The following NMBR variants were observed in gnomAD, a reference collection of about 807,000 sequenced individuals.
NMBR encodes the protein neuromedin-B receptor.
A neutral mutation model predicts 20.5 loss-of-function variants in NMBR; 16 were observed. The observed-to-expected ratio is 0.78, with a 90% CI of 0.53 to 1.19. The LOEUF is 1.19. Ranked by LOEUF, NMBR falls within the 50% of genes most tolerant of loss-of-function variation. The pLI, the probability that NMBR is intolerant of heterozygous loss-of-function variation, is 0.00. For synonymous variants in NMBR, 212 were observed against 196.6 expected (o/e 1.08, Z -0.65); for missense variants, 582 against 499.1 (o/e 1.17, Z -1.58).
At chr6:142,134,410 A>AT in intron 1 of NMBR, 1 of 450,180 alleles carries the variant, frequency 2.2e-6, no homozygotes, top group Non-Finnish European at 3.9e-6. Flanking sequence ...CACATATAAG[A>AT]TTTTTATGAA....
intron 1 of NMBR, among the ~76,000 whole-genome samples, chr6:142,140,933 T>C (rs1313866771): frequency 6.6e-6 from 1 of 152,106 alleles, no homozygotes. Flanking sequence ...TCAGAATGCA[T>C]GAAGCAAAAC....
chr6:142,122,395 A>G (rs376197626), intron 1 of NMBR, among the ~76,000 whole-genome samples: 10 of 152,092 alleles, frequency 6.6e-5, no homozygotes, highest in African/African-American at 2.4e-4. Flanking sequence ...GTATATCACC[A>G]TACCATATCA....
At chr6:142,087,580 T>C (rs1777223005) in intron 2 of NMBR, among the ~76,000 whole-genome samples, 1 of 152,136 alleles carries the variant, frequency 6.6e-6, no homozygotes, top group Non-Finnish European at 1.5e-5. Flanking sequence ...CCTTAACATA[T>C]GTCAAAAGCA....
chr6:142,101,510 C>T (rs1455121214), intron 1 of NMBR, among the ~76,000 whole-genome samples: 2 of 152,060 alleles, frequency 1.3e-5, no homozygotes, highest in East Asian at 3.9e-4. Context: ...AGATTATTTT[C>T]TTTGTAGGGG....
chr6:142,130,973 A>T (rs1778130921), intron 1 of NMBR, among the ~76,000 whole-genome samples: 1 of 152,088 alleles, frequency 6.6e-6, no homozygotes, highest in Non-Finnish European at 1.5e-5. Context: ...TCCTAGCAAG[A>T]TTTCAGAATT....
rs1313105923 is a variant in NMBR at position 142,075,946 on chromosome 6, T to G, written c.875A>C (p.Asn292Thr). The G allele has an allele frequency of 6.2e-7, 1 of 1,613,970 alleles. No individual in the cohort carries two copies. Residue 292 changes from asparagine to threonine, a missense_variant, in exon 4 of 4, where the codon AAC (asparagine) becomes ACC (threonine). Transcript: ENST00000258042. ...NHILYMYRSF[N>T]YNEIDPSLGH... is the part of the protein sequence containing the mutation. ...TAGAGATGGATCAATCTCATTATAG[T>G]TGAAAGACCGATACATGTAAAGGAT...
chr6:142,079,655 C>CA (rs556499099), intron 2 of NMBR, among the ~76,000 whole-genome samples: 11 of 152,202 alleles, frequency 7.2e-5, no homozygotes, highest in African/African-American at 2.2e-4. Flanking sequence ...CTAGATTGGT[C>CA]ATACTACATT....
At chr6:142,080,825 T>C (rs1234249964) in intron 2 of NMBR, among the ~76,000 whole-genome samples, 1 of 152,156 alleles carries the variant, frequency 6.6e-6, no homozygotes, top group Non-Finnish European at 1.5e-5. Flanking sequence ...TACAAAAAGA[T>C]CAAGCCTTCT....
At chr6:142,143,425 C>T (rs1344345216) in intron 1 of NMBR, among the ~76,000 whole-genome samples, 1 of 152,216 alleles carries the variant, frequency 6.6e-6, no homozygotes, top group Non-Finnish European at 1.5e-5. Context: ...GCTGGGATTA[C>T]AGGCATGTGC....
intron 1 of NMBR, among the ~76,000 whole-genome samples, chr6:142,107,407 C>G (rs750095378): frequency 6.6e-6 from 1 of 152,114 alleles, no homozygotes; most frequent in African/African-American, 2.4e-5. Context: ...GGATGTAATA[C>G]TTACAGTGGC....
intron 1 of NMBR, among the ~76,000 whole-genome samples, chr6:142,118,313 C>T (rs762295239): frequency 7.2e-5 from 11 of 151,960 alleles, no homozygotes; most frequent in Non-Finnish European, 1.2e-4. Flanking sequence ...TTCACATACA[C>T]ATAGCCAACC....
intron 1 of NMBR, among the ~76,000 whole-genome samples, chr6:142,093,805 CCG>C (rs1562236774): frequency 1.3e-5 from 2 of 152,164 alleles, no homozygotes; most frequent in Non-Finnish European, 2.9e-5. Context: ...CACATCCTCT[CCG>C]ACACCTGTTG....
chr6:142,146,291 C>T (rs959670207), intron 1 of NMBR, among the ~76,000 whole-genome samples: 5 of 152,058 alleles, frequency 3.3e-5, no homozygotes, highest in African/African-American at 1.2e-4. Context: ...GGGGAATTTC[C>T]GAGCTGGAGA....
intron 1 of NMBR, among the ~76,000 whole-genome samples, chr6:142,112,070 T>G (rs1168494590): frequency 6.6e-6 from 1 of 152,218 alleles, no homozygotes; most frequent in African/African-American, 2.4e-5. Flanking sequence ...GGGTCACGCC[T>G]GTAATCCCAA....
At chr6:142,114,126 C>T (rs1446091931) in intron 1 of NMBR, among the ~76,000 whole-genome samples, 1 of 152,092 alleles carries the variant, frequency 6.6e-6, no homozygotes, top group African/African-American at 2.4e-5. Flanking sequence ...GGTTAAAAGA[C>T]TGATATGAAT....
intron 1 of NMBR, among the ~76,000 whole-genome samples, chr6:142,111,295 G>A (rs146448316): frequency 1.6e-4 from 25 of 151,738 alleles, no homozygotes; most frequent in African/African-American, 5.6e-4. Flanking sequence ...TGAGACACAG[G>A]CTTAGCCTTT....
intron 1 of NMBR, among the ~76,000 whole-genome samples, chr6:142,124,517 T>C (rs1777999086): frequency 6.6e-6 from 1 of 151,888 alleles, no homozygotes; most frequent in Admixed American, 6.6e-5. Flanking sequence ...TAACATTGTG[T>C]GTTTAAATAA....
intron 1 of NMBR, among the ~76,000 whole-genome samples, chr6:142,146,470 A>C (rs1778438626): frequency 6.6e-6 from 1 of 152,234 alleles, no homozygotes; most frequent in Non-Finnish European, 1.5e-5. Context: ...AATTGAAGTC[A>C]TTGAGGGTAG....
At chr6:142,120,461 G>A (rs948493993) in intron 1 of NMBR, among the ~76,000 whole-genome samples, 1 of 151,968 alleles carries the variant, frequency 6.6e-6, no homozygotes, top group Non-Finnish European at 1.5e-5. Context: ...TATAGAGGTA[G>A]AAGCTAAACA....
Sources: allele counts gnomAD v4.1 joint callset (sites outside exome capture counted in the v4.1 genomes callset), GRCh38; gene constraint gnomAD v4.1.1; transcripts MANE v1.5; gene names NCBI Gene and HGNC (gene_info 2026-07-23, HGNC 2026-07-21).